SGMS1: variants seen among roughly 807,000 people sequenced by gnomAD.
SGMS1 encodes phosphatidylcholine:ceramide cholinephosphotransferase 1.
Under a neutral mutation model 46.2 loss-of-function variants are expected in SGMS1, and 13 were observed. That is an observed-to-expected ratio of 0.28 (90% confidence interval 0.18 to 0.45). SGMS1 has a LOEUF of 0.45. SGMS1 is among the 20% of genes least tolerant of loss of function. SGMS1 has a pLI of 1.00. For missense variants in SGMS1, 324 were observed against 519.9 expected (o/e 0.62, Z 3.66); for synonymous variants, 203 against 187.8 (o/e 1.08, Z -0.66).
intron 6 of SGMS1, among the ~76,000 whole-genome samples, chr10:50,424,973 AT>A (rs1470194011): frequency 1.3e-5 from 2 of 152,146 alleles, no homozygotes; most frequent in African/African-American, 4.8e-5. Context: ...TACAAAAAAA[AT>A]GATCAGCCAT....
chr10:50,545,251 A>T (rs1432300451), intron 2 of SGMS1, among the ~76,000 whole-genome samples: 2 of 152,190 alleles, frequency 1.3e-5, no homozygotes, highest in Non-Finnish European at 2.9e-5. Context: ...TCCTTTAAAA[A>T]TGTCTTCTCC....
chr10:50,408,843 C>A (rs747244802), intron 6 of SGMS1, among the ~76,000 whole-genome samples: 12 of 152,056 alleles, frequency 7.9e-5, no homozygotes, highest in Admixed American at 2.0e-4. Flanking sequence ...CCATCGCACT[C>A]CAGCATGGCT....
At chr10:50,330,440 G>A (rs1847603861) in intron 7 of SGMS1, among the ~76,000 whole-genome samples, 1 of 152,136 alleles carries the variant, frequency 6.6e-6, no homozygotes, top group African/African-American at 2.4e-5. Context: ...AGTTATGACT[G>A]TGCCACTGCA....
At chr10:50,517,552 A>G (rs981132818) in intron 3 of SGMS1, among the ~76,000 whole-genome samples, 11 of 152,322 alleles carry the variant, frequency 7.2e-5, no homozygotes, top group African/African-American at 2.4e-4. Flanking sequence ...GGATAAAAAG[A>G]GAAGTTCTAA....
chr10:50,409,577 A>G (rs79826537), intron 6 of SGMS1, among the ~76,000 whole-genome samples: 2,273 of 152,330 alleles, frequency 0.015, 60 homozygotes, highest in African/African-American at 0.052. Flanking sequence ...AGTTACAAAC[A>G]TTTAATTTCA....
At chr10:50,610,311 T>G (rs1838737625) in intron 1 of SGMS1, among the ~76,000 whole-genome samples, 1 of 152,194 alleles carries the variant, frequency 6.6e-6, no homozygotes, top group South Asian at 2.1e-4. Flanking sequence ...TAATTTTCAC[T>G]TTTTATCCAC....
At position 50,595,320 on chromosome 10, in the gene SGMS1, C is replaced by A. The variant is rs962125770; in HGVS notation, c.-683-5073G>T. ...CCTCGTGAGTTGCTGGGACTACAGG[C>A]GCACACCACCATGCCTGGCTAACGT... is the stretch of plus-strand genomic sequence containing the variant. On this transcript the variant is annotated intron_variant, in intron 1 of 10. Transcript: ENST00000361781. 1.2e-4 allele frequency among the ~76,000 whole-genome samples: 18 copies of A among 152,034 alleles called. 1 individual carries two copies. The highest frequency in any genetic ancestry group is 4.1e-4 in the African/African-American group (17 of 41,386).
upstream of SGMS1, chr10:50,624,093 C>G (rs1364705120): frequency 2.0e-6 from 2 of 985,182 alleles, no homozygotes; most frequent in East Asian, 2.3e-4. Context: ...CGGGACCGAG[C>G]GGGACCCCGA....
chr10:50,615,199 G>A (rs777868659), intron 1 of SGMS1, among the ~76,000 whole-genome samples: 1 of 152,122 alleles, frequency 6.6e-6, no homozygotes, highest in Non-Finnish European at 1.5e-5. Context: ...AATGCCTGCC[G>A]ACATGTGGAA....
chr10:50,507,350 C>A (rs1837715879), intron 3 of SGMS1, among the ~76,000 whole-genome samples: 1 of 152,206 alleles, frequency 6.6e-6, no homozygotes, highest in Non-Finnish European at 1.5e-5. Flanking sequence ...ACACAACAAG[C>A]CCCTTTGTCT....
chr10:50,516,581 C>A (rs1227460167), intron 3 of SGMS1, among the ~76,000 whole-genome samples: 70 of 152,156 alleles, frequency 4.6e-4, no homozygotes, highest in Non-Finnish European at 2.9e-5. Context: ...AGATTAACTA[C>A]AAAAAGAACC....
At chr10:50,565,321 T>C (rs59183272) in intron 2 of SGMS1, among the ~76,000 whole-genome samples, 7,068 of 152,226 alleles carry the variant, frequency 0.046, 526 homozygotes, top group African/African-American at 0.16. Flanking sequence ...AAATCACATG[T>C]GTCATCTATA....
chr10:50,326,879 C>T (rs1325600409), intron 8 of SGMS1, among the ~76,000 whole-genome samples: 1 of 152,138 alleles, frequency 6.6e-6, no homozygotes, highest in Non-Finnish European at 1.5e-5. Flanking sequence ...AAATCGAGCT[C>T]TCCCTCCGAG....
intron 6 of SGMS1, chr10:50,418,363 G>A (rs1205982348): frequency 6.6e-6 from 1 of 152,374 alleles, no homozygotes; most frequent in Admixed American, 6.5e-5. Flanking sequence ...GGTCAACTGC[G>A]AGCTAGACGC....
intron 1 of SGMS1, among the ~76,000 whole-genome samples, chr10:50,606,503 T>C (rs921107203): frequency 6.6e-6 from 1 of 152,252 alleles, no homozygotes; most frequent in Non-Finnish European, 1.5e-5. Context: ...TCAAAAAAGA[T>C]GTTTGTACTT....
chr10:50,566,103 T>C (rs1365882396), intron 2 of SGMS1, among the ~76,000 whole-genome samples: 1 of 152,218 alleles, frequency 6.6e-6, no homozygotes, highest in Admixed American at 6.5e-5. Context: ...AAGTTCTCAT[T>C]TGCAACCAAG....
intron 6 of SGMS1, among the ~76,000 whole-genome samples, chr10:50,358,595 A>G (rs903480043): frequency 5.9e-5 from 9 of 152,226 alleles, no homozygotes; most frequent in Non-Finnish European, 1.2e-4. Context: ...AAGCTGAGGC[A>G]TGAGAATTGC....
At chr10:50,372,609 C>T (rs955286945) in intron 6 of SGMS1, among the ~76,000 whole-genome samples, 4 of 152,024 alleles carry the variant, frequency 2.6e-5, no homozygotes, top group African/African-American at 9.7e-5. Context: ...AGGAGAAAGG[C>T]GTGAACCCAG....
At chr10:50,563,509 C>T (rs1191335813) in intron 2 of SGMS1, among the ~76,000 whole-genome samples, 5 of 151,844 alleles carry the variant, frequency 3.3e-5, no homozygotes, top group African/African-American at 7.3e-5. Context: ...TTTGGGAGGC[C>T]GAGGCGGGCG....
Sources: allele counts gnomAD v4.1 joint callset (sites outside exome capture counted in the v4.1 genomes callset), GRCh38; gene constraint gnomAD v4.1.1; transcripts MANE v1.5; gene names NCBI Gene and HGNC (gene_info 2026-07-23, HGNC 2026-07-21).